The following C12orf56 variants were observed in gnomAD, a reference collection of about 807,000 sequenced individuals.
The protein encoded by C12orf56 is chromosome 12 open reading frame 56, also known as uncharacterized protein C12orf56.
A neutral mutation model predicts 69.9 loss-of-function variants in C12orf56; 71 were observed. The ratio of observed to expected loss-of-function variants is 1.02; its 90% CI spans 0.84 to 1.24. C12orf56 has a LOEUF of 1.24. Ranked by LOEUF, C12orf56 falls within the 50% of genes most tolerant of loss-of-function variation. C12orf56 has a pLI of 0.00. For synonymous variants in C12orf56, 276 were observed against 274.1 expected, an observed-to-expected ratio of 1.01 and a Z score of -0.07; for missense variants, 732 against 738.5, an observed-to-expected ratio of 0.99 and a Z score of 0.10.
chr12:64,286,239 A>T (rs2038200320), intron 6 of C12orf56, among the ~76,000 whole-genome samples, 179 bp from the exon 7 acceptor site: 1 of 152,198 alleles, frequency 6.6e-6, no homozygotes, highest in African/African-American at 2.4e-5. Context: ...ACTTACACCC[A>T]AGAGACCACT....
chr12:64,386,310 T>A (rs1406849311), intron 1 of C12orf56, among the ~76,000 whole-genome samples: 1 of 151,206 alleles, frequency 6.6e-6, no homozygotes, highest in Non-Finnish European at 1.5e-5. Context: ...GCCTCCCGGG[T>A]TCAAGCGATT....
intron 1 of C12orf56, among the ~76,000 whole-genome samples, chr12:64,379,923 A>C (rs1337903311): frequency 9.8e-6 from 1 of 102,340 alleles, no homozygotes; most frequent in African/African-American, 3.0e-5. Context: ...CTCCACTAAA[A>C]ATACAAAAAA....
intron 5 of C12orf56, among the ~76,000 whole-genome samples, chr12:64,305,480 C>T (rs1256090310): frequency 2.0e-5 from 3 of 152,140 alleles, no homozygotes; most frequent in African/African-American, 7.2e-5. Flanking sequence ...CTCCTGAGTT[C>T]AAGCTATTCT....
intron 2 of C12orf56, among the ~76,000 whole-genome samples, chr12:64,348,827 A>G (rs182662921): frequency 6.6e-6 from 1 of 152,326 alleles, no homozygotes; most frequent in East Asian, 1.9e-4. Flanking sequence ...ATAATCAGCT[A>G]TAGAACTTTG....
chr12:64,286,012 G>A lies in C12orf56; in HGVS notation c.1162C>T (p.Pro388Ser), dbSNP rs2038196529. 1 of 1,611,394 alleles carries A rather than the reference G, an allele frequency of 6.2e-7. No individual in the cohort carries two copies. Reference sequence around the variant, plus strand: ...AGTGCATTCTTATCCCTAGACTCCGGCAAGTACTCATGAAGTTTGTTTACT... The same window carrying A: ...AGTGCATTCTTATCCCTAGACTCCGACAAGTACTCATGAAGTTTGTTTACT... ...FIVNKLHEYL[P>S]ESRDKNALQN... Residue 388 changes from proline to serine, a missense_variant, in exon 7 of 13, where the codon CCG becomes TCG. By Grantham distance (74) the Pro-to-Ser change is moderately conservative. Transcript: ENST00000543942.
At position 64,390,656 on chromosome 12, in the gene C12orf56, A is replaced by T; in HGVS notation, c.-91T>A. On this transcript the variant is annotated 5_prime_UTR_variant, in exon 1 of 13. Coordinates refer to ENST00000543942, the MANE Select transcript of C12orf56 (RefSeq NM_001170633.2). ...CCGCGCTGGAACCCGCGCGCCACAA[A>T]GCCGCCGGCCACGCGTCGCCTCCTC... 7.3e-7 allele frequency: 1 copy of T among 1,367,100 alleles called. No homozygotes were observed. Among genetic ancestry groups the T allele is most frequent in the Non-Finnish European group, 9.4e-7 (1 of 1,067,080 alleles). The allele number at this position is 1,367,100 out of a possible 1,614,324, so 84.7% of individuals were successfully genotyped here.
chr12:64,344,237 G>A (rs2039112340), intron 2 of C12orf56, among the ~76,000 whole-genome samples: 1 of 152,126 alleles, frequency 6.6e-6, no homozygotes, highest in South Asian at 2.1e-4. Context: ...GTAATGTAGT[G>A]GGGTCCTTCC....
At chr12:64,377,278 C>T (rs576234276) in intron 1 of C12orf56, among the ~76,000 whole-genome samples, 1 of 150,410 alleles carries the variant, frequency 6.6e-6, no homozygotes, top group East Asian at 2.0e-4. Context: ...GCAACCTCCA[C>T]CTCCTGGATT....
chr12:64,308,619 G>T (rs1565748510), intron 5 of C12orf56, among the ~76,000 whole-genome samples: 1 of 151,680 alleles, frequency 6.6e-6, no homozygotes, highest in Admixed American at 6.6e-5. Flanking sequence ...AAGGCAGGCA[G>T]ATCACCTGAG....
intron 2 of C12orf56, among the ~76,000 whole-genome samples, chr12:64,332,256 T>C (rs2038940604): frequency 6.8e-6 from 1 of 148,012 alleles, no homozygotes; most frequent in South Asian, 2.1e-4. Context: ...TGACCCAAGA[T>C]TGTACCACTG....
At chr12:64,298,606 C>T (rs1402909571) in intron 6 of C12orf56, among the ~76,000 whole-genome samples, 8 of 152,068 alleles carry the variant, frequency 5.3e-5, no homozygotes, top group Non-Finnish European at 1.0e-4. Flanking sequence ...TATGGCTAGC[C>T]AGTTTTCCCA....
intron 1 of C12orf56, among the ~76,000 whole-genome samples, chr12:64,370,240 G>A (rs2039552163): frequency 6.6e-6 from 1 of 151,578 alleles, no homozygotes; most frequent in South Asian, 2.1e-4. Flanking sequence ...AGCTACTTGG[G>A]AGGCTGAGGC....
intron 6 of C12orf56, among the ~76,000 whole-genome samples, chr12:64,293,617 C>G (rs951717347): frequency 6.6e-6 from 1 of 152,224 alleles, no homozygotes; most frequent in Non-Finnish European, 1.5e-5. Context: ...TAGCACATAA[C>G]AAGTGTCTAA....
chr12:64,296,062 G>A (rs1447921977), intron 6 of C12orf56, among the ~76,000 whole-genome samples: 3 of 152,146 alleles, frequency 2.0e-5, no homozygotes, highest in Non-Finnish European at 4.4e-5. Flanking sequence ...TTGGAGAACT[G>A]AGTGGTTCTG....
intron 1 of C12orf56, among the ~76,000 whole-genome samples, chr12:64,367,263 T>TATACAGTTTATATATTATATATAAC (rs2039507098): frequency 8.6e-6 from 1 of 115,618 alleles, no homozygotes; most frequent in Non-Finnish European, 1.7e-5. Context: ...TTATATATAA[T>TATACAGTTTATATATTATATATAAC]ATACAGTTTA....
intron 2 of C12orf56, among the ~76,000 whole-genome samples, chr12:64,342,248 A>G (rs757032988): frequency 3.3e-5 from 5 of 152,232 alleles, no homozygotes; most frequent in Non-Finnish European, 7.3e-5. Flanking sequence ...TCAGTATGCA[A>G]TCGTACATCT....
intron 1 of C12orf56, among the ~76,000 whole-genome samples, chr12:64,367,351 A>C (rs1237782145): frequency 7.1e-6 from 1 of 140,438 alleles, no homozygotes; most frequent in South Asian, 2.2e-4. Flanking sequence ...ATATTATATT[A>C]TATTATATTA....
At chr12:64,333,442 A>G (rs2038956357) in intron 2 of C12orf56, among the ~76,000 whole-genome samples, 1 of 152,006 alleles carries the variant, frequency 6.6e-6, no homozygotes, top group Admixed American at 6.6e-5. Flanking sequence ...AAAAAAAAAA[A>G]CAACTTTAGT....
chr12:64,346,201 A>G (rs963746927), intron 2 of C12orf56, among the ~76,000 whole-genome samples: 17 of 152,172 alleles, frequency 1.1e-4, no homozygotes, highest in African/African-American at 2.4e-5. Context: ...TAGGCTGAGG[A>G]GCAAAGAGAG....
Sources: allele counts gnomAD v4.1 joint callset (sites outside exome capture counted in the v4.1 genomes callset), GRCh38; gene constraint gnomAD v4.1.1; transcripts MANE v1.5; gene names NCBI Gene and HGNC (gene_info 2026-07-23, HGNC 2026-07-21).